The following APBB1IP variants were observed in gnomAD, a reference collection of about 807,000 sequenced individuals.
The protein encoded by APBB1IP is amyloid beta precursor protein binding family B member 1 interacting protein.
In APBB1IP, 27 loss-of-function variants were observed where a neutral mutation model predicts 64.9. That is an observed-to-expected ratio of 0.42 (90% CI 0.31 to 0.57). The LOEUF is 0.57. Ranked by LOEUF, APBB1IP falls within the 20% of genes least tolerant of loss-of-function variation. The pLI, the probability that APBB1IP is intolerant of heterozygous loss-of-function variation, is 0.20. For synonymous variants in APBB1IP, 392 were observed against 331.0 expected (o/e 1.18, Z -2.00); for missense variants, 812 against 845.5 (o/e 0.96, Z 0.49).
chr10:26,518,790 C>G (rs1455561484), intron 8 of APBB1IP, among the ~76,000 whole-genome samples: 1 of 152,174 alleles, frequency 6.6e-6, no homozygotes, highest in East Asian at 1.9e-4. Flanking sequence ...AACAAATGCC[C>G]TGAGGGGAAG....
chr10:26,535,918 G>C (rs1836616668), intron 9 of APBB1IP, among the ~76,000 whole-genome samples, 156 bp from the exon 10 acceptor site: 1 of 152,048 alleles, frequency 6.6e-6, no homozygotes, highest in Non-Finnish European at 1.5e-5. Context: ...CCTCTCTTCT[G>C]GCAAATAGCA....
intron 2 of APBB1IP, among the ~76,000 whole-genome samples, chr10:26,485,355 T>C (rs1457456280): frequency 6.6e-6 from 1 of 152,186 alleles, no homozygotes; most frequent in East Asian, 1.9e-4. Context: ...ATGTAGAACA[T>C]GTAGCCAGTC....
intron 11 of APBB1IP, among the ~76,000 whole-genome samples, chr10:26,543,922 T>A (rs1169806045): frequency 1.3e-5 from 2 of 152,244 alleles, no homozygotes; most frequent in Admixed American, 6.5e-5. Flanking sequence ...GAGCATGCCC[T>A]GCCTGATTCT....
intron 2 of APBB1IP, among the ~76,000 whole-genome samples, chr10:26,454,829 T>C (rs1175760620): frequency 2.0e-5 from 3 of 152,218 alleles, no homozygotes; most frequent in Non-Finnish European, 2.9e-5. Context: ...TATACACCTA[T>C]GTACCCACCA....
intron 8 of APBB1IP, among the ~76,000 whole-genome samples, 185 bp downstream of exon 8, chr10:26,513,845 G>T (rs962798556): frequency 2.0e-5 from 3 of 152,080 alleles, no homozygotes; most frequent in Non-Finnish European, 4.4e-5. Context: ...CAATTCTCTT[G>T]CCTCAGCCTC....
chr10:26,492,200 C>T (rs1228415825), intron 2 of APBB1IP, 127 bp from the exon 3 acceptor site: 1 of 718,768 alleles, frequency 1.4e-6, no homozygotes, highest in Non-Finnish European at 2.3e-6. Flanking sequence ...GCCTTCCTCT[C>T]AATATAGTCC....
At position 26,545,759 on chromosome 10, in the gene APBB1IP, C is replaced by CA. The variant is rs571003302; in HGVS notation, c.1155+4077dup. 8.9e-3 allele frequency among the ~76,000 whole-genome samples: 823 copies of CA among 92,772 alleles called. 18 individuals are homozygous for CA. Among genetic ancestry groups the CA allele is most frequent in the East Asian group, 0.058 (165 of 2,832 alleles). 60.9% of individuals were successfully genotyped at this position (92,772 alleles called of 152,430 possible). On this transcript the variant is annotated intron_variant, in intron 11 of 14. Transcript: ENST00000376236. Reference sequence around the variant, plus strand: ...TGGGCGACAGAGCGAGACTCCGTCTCAAAAAAAAAACAAACAAACAAACAA... The same window carrying CA: ...TGGGCGACAGAGCGAGACTCCGTCTCAAAAAAAAAAACAAACAAACAAACAA...
chr10:26,533,575 T>A (rs779578074), intron 9 of APBB1IP, 50 bp downstream of exon 9: 1 of 1,258,032 alleles, frequency 7.9e-7, no homozygotes, highest in Non-Finnish European at 1.1e-6. Flanking sequence ...GTTTGCTCTA[T>A]TTTTAAGTCA....
intron 2 of APBB1IP, among the ~76,000 whole-genome samples, chr10:26,458,698 A>C (rs1299207020): frequency 6.6e-6 from 1 of 152,212 alleles, no homozygotes; most frequent in East Asian, 1.9e-4. Context: ...TCATCAAAAA[A>C]TTAAGGCCAT....
Position 26,501,492 on chromosome 10 carries a change from T to C in APBB1IP, c.453+381T>C, listed in dbSNP as rs1836099457. 9.2e-6 allele frequency: 3 copies of C among 327,352 alleles called. No homozygotes were observed. The East Asian group carries it at 1.5e-4, about 16-fold the overall frequency. 20.3% of individuals were successfully genotyped at this position (327,352 alleles called of 1,614,324 possible). A position where few individuals can be genotyped will look rare whatever the true frequency, so the allele number is the denominator to read the frequency against. Reference sequence around the variant, plus strand: ...CATAGAGAATAGAAGGCATTCATTATACATTTTCTGAGTAGAGTGAAATTG... The same window carrying C: ...CATAGAGAATAGAAGGCATTCATTACACATTTTCTGAGTAGAGTGAAATTG... On this transcript the variant is annotated intron_variant, in intron 5 of 14. Coordinates refer to ENST00000376236, the MANE Select transcript of APBB1IP (RefSeq NM_019043.4).
chr10:26,501,208 C>T (rs1478204218), intron 5 of APBB1IP, 97 bp downstream of exon 5: 16 of 1,536,148 alleles, frequency 1.0e-5, no homozygotes, highest in African/African-American at 1.4e-5. Context: ...GTTGGTACAT[C>T]CAAAGATCTG....
intron 2 of APBB1IP, among the ~76,000 whole-genome samples, chr10:26,470,321 G>A (rs1290113621): frequency 2.0e-5 from 3 of 152,170 alleles, no homozygotes; most frequent in Admixed American, 2.0e-4. Context: ...TGGATCACCT[G>A]AGGACAGGAG....
At chr10:26,553,523 G>A (rs758705822) in intron 11 of APBB1IP, among the ~76,000 whole-genome samples, 3 of 152,012 alleles carry the variant, frequency 2.0e-5, no homozygotes, top group East Asian at 3.9e-4. Context: ...GCATGGTGGC[G>A]CACATCTGTG....
intron 8 of APBB1IP, among the ~76,000 whole-genome samples, chr10:26,531,887 A>G (rs1452292670): frequency 6.6e-6 from 1 of 152,172 alleles, no homozygotes; most frequent in Non-Finnish European, 1.5e-5. Context: ...TCAAGGCTGC[A>G]GTGAGCTATG....
chr10:26,504,701 C>G (rs992557767), intron 6 of APBB1IP, among the ~76,000 whole-genome samples: 3 of 150,854 alleles, frequency 2.0e-5, no homozygotes, highest in Non-Finnish European at 2.9e-5. Context: ...CAGAGCGAGA[C>G]TCCATCTCAA....
intron 6 of APBB1IP, among the ~76,000 whole-genome samples, chr10:26,509,087 C>T (rs1336741598): frequency 6.6e-6 from 1 of 152,164 alleles, no homozygotes; most frequent in Non-Finnish European, 1.5e-5. Flanking sequence ...AGTACACCTT[C>T]CACAGAAAAT....
At chr10:26,549,797 G>A (rs1178052777) in intron 11 of APBB1IP, among the ~76,000 whole-genome samples, 1 of 151,030 alleles carries the variant, frequency 6.6e-6, no homozygotes, top group Non-Finnish European at 1.5e-5. Flanking sequence ...GCCTCTTTTA[G>A]CCTTAATATT....
At chr10:26,456,761 A>T (rs1246840997) in intron 2 of APBB1IP, among the ~76,000 whole-genome samples, 1 of 146,598 alleles carries the variant, frequency 6.8e-6, no homozygotes, top group African/African-American at 2.5e-5. Flanking sequence ...AAAAAAAAGG[A>T]GAGACTGTTT....
At chr10:26,565,124 ACT>A (rs1837024105) in intron 14 of APBB1IP, among the ~76,000 whole-genome samples, 1 of 152,006 alleles carries the variant, frequency 6.6e-6, no homozygotes, top group Non-Finnish European at 1.5e-5. Context: ...ATTTCCATTC[ACT>A]CTTCCCTTTC....
Sources: allele counts gnomAD v4.1 joint callset (sites outside exome capture counted in the v4.1 genomes callset), GRCh38; gene constraint gnomAD v4.1.1; transcripts MANE v1.5; gene names NCBI Gene and HGNC (gene_info 2026-07-23, HGNC 2026-07-21).